The following STRIP2 variants were observed in gnomAD, a reference collection of about 807,000 sequenced individuals.
STRIP2 encodes the protein striatin interacting protein 2, also known as striatin-interacting protein 2.
Under a neutral mutation model 107.1 loss-of-function variants are expected in STRIP2, and 84 were observed. The ratio of observed to expected loss-of-function variants is 0.78; its 90% CI spans 0.66 to 0.94. The LOEUF (loss-of-function observed/expected upper bound fraction) is 0.94, where lower values mean the gene tolerates loss of function less well. Ranked by LOEUF, STRIP2 falls within the 40% of genes least tolerant of loss-of-function variation. The pLI, the probability that STRIP2 is intolerant of heterozygous loss-of-function variation, is 0.00. For missense variants in STRIP2, 888 were observed against 1,034.2 expected (o/e 0.86, Z 1.94); for synonymous variants, 394 against 400.4 (o/e 0.98, Z 0.19).
chr7:129,455,384 C>T lies in STRIP2; in HGVS notation c.834+13C>T, dbSNP rs1332354004. The stretch of plus-strand genomic sequence containing the variant: ...GAAGGTGGTCATGGTGAGTAATTCT[C>T]CCCACTCCCACATTATCAGATCAGC... On this transcript the variant is annotated intron_variant, in intron 8 of 20. Coordinates refer to ENST00000249344, the MANE Select transcript of STRIP2 (RefSeq NM_020704.3). 1 of 1,609,926 alleles carries T rather than the reference C, an allele frequency of 6.2e-7. No homozygotes were observed. Among genetic ancestry groups the T allele is most frequent in the Admixed American group, 1.7e-5 (1 of 59,328 alleles).
chr7:129,441,335 A>G (rs1797893032), intron 2 of STRIP2, among the ~76,000 whole-genome samples: 1 of 152,242 alleles, frequency 6.6e-6, no homozygotes, highest in Non-Finnish European at 1.5e-5. Flanking sequence ...GAAGATGTGC[A>G]CATATTGTGA....
chr7:129,454,558 T>A, intron 7 of STRIP2, 31 bp downstream of exon 7: 1 of 1,431,068 alleles, frequency 7.0e-7, no homozygotes, highest in Non-Finnish European at 9.9e-7. Flanking sequence ...AAGGTGTGGA[T>A]GGGGTGCTAA....
chr7:129,449,681 A>T (rs556547005), intron 3 of STRIP2, among the ~76,000 whole-genome samples: 17 of 152,194 alleles, frequency 1.1e-4, no homozygotes, highest in Non-Finnish European at 1.9e-4. Flanking sequence ...TTCTTTTCCA[A>T]TAAATGCCCT....
At position 129,442,030 on chromosome 7, in the gene STRIP2, G is replaced by A. The variant is rs1376619741; in HGVS notation, c.199+1939G>A. Among the ~76,000 whole-genome samples, 5 of 152,280 alleles carry A rather than the reference G, an allele frequency of 3.3e-5. No individual in the cohort carries two copies. The East Asian group carries it at 9.7e-4, about 29-fold the overall frequency. ...ATCACCTGTCAGGAGTTCGAGACCA[G>A]CCTGACCAATATGGTGAAACCTTGT... On this transcript the variant is annotated intron_variant, in intron 2 of 20. Transcript: ENST00000249344.
At chr7:129,468,976 TTC>T (rs1398838340) in intron 17 of STRIP2, among the ~76,000 whole-genome samples, 1 of 152,236 alleles carries the variant, frequency 6.6e-6, no homozygotes. Context: ...CATTGTTTGC[TTC>T]TCAGGCCGCA....
At chr7:129,481,795 T>C (rs1264374394) in intron 19 of STRIP2, among the ~76,000 whole-genome samples, 1 of 151,246 alleles carries the variant, frequency 6.6e-6, no homozygotes, top group Non-Finnish European at 1.5e-5. Context: ...TATGGAATGG[T>C]TTTCAAGATA....
intron 3 of STRIP2, among the ~76,000 whole-genome samples, chr7:129,447,653 T>C (rs1798073186): frequency 6.6e-6 from 1 of 152,226 alleles, no homozygotes; most frequent in Non-Finnish European, 1.5e-5. Context: ...TATATTGCTG[T>C]CCCAGCCAGC....
chr7:129,443,931 T>C (rs1797968016), intron 2 of STRIP2, 93 bp from the exon 3 acceptor site: 1 of 914,068 alleles, frequency 1.1e-6, no homozygotes, highest in Non-Finnish European at 1.8e-6. Flanking sequence ...AGGAATGTGT[T>C]GGAAGCTTCA....
chr7:129,454,220 GC>G lies in STRIP2; in HGVS notation c.599+11del. The G allele has an allele frequency of 6.2e-7, 1 of 1,613,874 alleles. No individual in the cohort carries two copies. The highest frequency in any genetic ancestry group is 8.5e-7 in the Non-Finnish European group (1 of 1,179,798). ...ATAGCACAGAGCTCAGGTGAGTGGG[GC>G]TAACTATGGGCTTGGAACAGGGCAG... On this transcript the variant is annotated intron_variant, in intron 6 of 20. Transcript: ENST00000249344.
At chr7:129,472,455 A>G (rs781289640) in intron 18 of STRIP2, among the ~76,000 whole-genome samples, 1 of 152,170 alleles carries the variant, frequency 6.6e-6, no homozygotes, top group Non-Finnish European at 1.5e-5. Context: ...GAAAGCATGT[A>G]TTTATTCTTC....
chr7:129,444,182 T>C, intron 3 of STRIP2, 84 bp downstream of exon 3: 1 of 980,174 alleles, frequency 1.0e-6, no homozygotes, highest in Non-Finnish European at 1.6e-6. Flanking sequence ...TAAAACAAAG[T>C]GCGATCCTTC....
chr7:129,444,960 C>G (rs1797996329), intron 3 of STRIP2, among the ~76,000 whole-genome samples: 1 of 152,206 alleles, frequency 6.6e-6, no homozygotes, highest in South Asian at 2.1e-4. Flanking sequence ...AGGAAATACT[C>G]ATGACCAGCT....
At chr7:129,476,750 G>T (rs914136132) in intron 18 of STRIP2, among the ~76,000 whole-genome samples, 1 of 152,100 alleles carries the variant, frequency 6.6e-6, no homozygotes, top group African/African-American at 2.4e-5. Context: ...GGGCAGAGAC[G>T]CTCTTCACTT....
Position 129,483,262 on chromosome 7 carries a change from A to G in STRIP2, c.2254+216A>G. ...TATGTAAACTATGAAAATCCGTTTT[A>G]TAAAACAAGTAAATTGAGAGATAAT... On this transcript the variant is annotated intron_variant, in intron 20 of 20. Transcript: ENST00000249344. The surrounding 1 kb of genome is among the most constrained non-coding windows in gnomAD (Gnocchi z 5.1). 8.0e-7 allele frequency: 1 copy of G among 1,252,794 alleles called. No homozygotes were observed. The highest frequency in any genetic ancestry group is 3.7e-5 in the South Asian group (1 of 27,140). The allele number at this position is 1,252,794 out of a possible 1,614,324, so 77.6% of individuals were successfully genotyped here.
chr7:129,459,755 G>A (rs1362649833), intron 12 of STRIP2, among the ~76,000 whole-genome samples, 175 bp downstream of exon 12: 2 of 152,106 alleles, frequency 1.3e-5, no homozygotes, highest in African/African-American at 4.8e-5. Context: ...TACTTACTCA[G>A]TTTCCTATAT....
intron 14 of STRIP2, 63 bp downstream of exon 14, chr7:129,463,103 A>G: frequency 7.3e-7 from 1 of 1,377,852 alleles, no homozygotes; most frequent in Non-Finnish European, 1.0e-6. Context: ...GCTAAAAACC[A>G]TTTCAAGTGG....
Position 129,460,309 on chromosome 7 carries a change from T to C in STRIP2, c.1413T>C (p.Tyr471=). 1 of 1,613,904 alleles carries C rather than the reference T, an allele frequency of 6.2e-7. No individual in the cohort carries two copies. Among genetic ancestry groups the C allele is most frequent in the Non-Finnish European group, 8.5e-7 (1 of 1,179,894 alleles). ...ESVKTLKQHK[Y]ISIADVQIKN... The stretch of plus-strand genomic sequence containing the variant: ...CTTCTTATCTTTGTCAGCACAAGTA[T>C]ATCTCCATCGCAGATGTGCAGATCA... The change falls in exon 13 of 21, where the codon TAT becomes TAC. Residue 471 remains tyrosine (Y), a synonymous_variant. Coordinates refer to ENST00000249344, the MANE Select transcript of STRIP2 (RefSeq NM_020704.3).
intron 1 of STRIP2, 27 bp downstream of exon 1, chr7:129,434,628 G>C: frequency 6.9e-7 from 1 of 1,452,782 alleles, no homozygotes; most frequent in Non-Finnish European, 9.0e-7. Flanking sequence ...GCTTCGGCTG[G>C]GGCCCGGAGA....
intron 2 of STRIP2, among the ~76,000 whole-genome samples, chr7:129,441,310 A>AT (rs1562893878): frequency 2.0e-5 from 3 of 152,200 alleles, no homozygotes; most frequent in Non-Finnish European, 4.4e-5. Flanking sequence ...CATTTTGCTT[A>AT]TATCTTGCAA....
Sources: gnomAD v4.1 joint callset for allele counts (sites outside exome capture counted in the v4.1 genomes callset) on GRCh38, gnomAD v4.1.1 for gene constraint, Gnocchi (gnomAD v3.1) non-coding constraint, MANE v1.5 for transcripts, NCBI Gene and HGNC (gene_info 2026-07-23, HGNC 2026-07-21) for gene names.